The following ANKRD30A variants were observed in gnomAD, a reference collection of about 807,000 sequenced individuals.
ANKRD30A encodes ankyrin repeat domain 30A.
Under a neutral mutation model 166.3 loss-of-function variants are expected in ANKRD30A, and 170 were observed. The ratio of observed to expected loss-of-function variants is 1.02; its 90% confidence interval spans 0.90 to 1.16. ANKRD30A has a LOEUF of 1.16. Among genes scored for constraint, ANKRD30A ranks in the 50% most tolerant of loss-of-function variants. ANKRD30A has a pLI of 0.00. For missense variants in ANKRD30A, 1,630 were observed against 1,518.0 expected (o/e 1.07, Z -1.23); for synonymous variants, 564 against 508.9 (o/e 1.11, Z -1.46).
intron 5 of ANKRD30A, 95 bp downstream of exon 5, chr10:37,134,148 G>A: frequency 6.9e-7 from 1 of 1,438,914 alleles, no homozygotes; most frequent in South Asian, 1.3e-5. Flanking sequence ...CCAGAAACTA[G>A]GCAAAAAGCT....
intron 9 of ANKRD30A, among the ~76,000 whole-genome samples, chr10:37,147,800 T>A (rs1006837658): frequency 6.6e-6 from 1 of 152,044 alleles, no homozygotes; most frequent in African/African-American, 2.4e-5. Flanking sequence ...GTTTATATAA[T>A]GGAGGTGGCA....
At position 37,219,195 on chromosome 10, in the gene ANKRD30A, A is replaced by C; in HGVS notation, c.3483A>C (p.Ala1161=). The change falls in exon 34 of 36, where the codon GCA becomes GCC. Residue 1161 remains alanine (A), a synonymous_variant. Transcript: ENST00000361713. ...KLKEESLTKR[A]SQYSGQLKVL... ...AAGAGGAATCATTAACTAAAAGGGC[A>C]TCTCAATATAGTGGGCAGCTTAAAG... is the stretch of plus-strand genomic sequence containing the variant. 6.2e-7 allele frequency: 1 copy of C among 1,610,762 alleles called. No individual in the cohort carries two copies. Among genetic ancestry groups the C allele is most frequent in the Non-Finnish European group, 8.5e-7 (1 of 1,177,678 alleles).
the ANKRD30A span, among the ~76,000 whole-genome samples, chr10:37,255,046 G>A: frequency 6.6e-6 from 1 of 151,968 alleles, no homozygotes; most frequent in Non-Finnish European, 1.5e-5. Context: ...ATGAAGCCCG[G>A]TTCATTTTCT....
At chr10:37,239,031 T>G in the ANKRD30A span, among the ~76,000 whole-genome samples, 1 of 152,156 alleles carries the variant, frequency 6.6e-6, no homozygotes. Context: ...GTCCAGTATG[T>G]GCAGTACACA....
intron 6 of ANKRD30A, among the ~76,000 whole-genome samples, chr10:37,137,178 A>G (rs144940052): frequency 2.4e-4 from 36 of 152,316 alleles, no homozygotes; most frequent in African/African-American, 6.7e-4. Context: ...AGTAGCTTAC[A>G]TGCCCTGAAT....
At chr10:37,206,803 T>A (rs1842019311) in intron 31 of ANKRD30A, among the ~76,000 whole-genome samples, 1 of 151,148 alleles carries the variant, frequency 6.6e-6, no homozygotes, top group African/African-American at 2.4e-5. Context: ...TCAAAAAAAA[T>A]AAAAATGAAA....
At chr10:37,200,734 C>T (rs141608032) in intron 30 of ANKRD30A, among the ~76,000 whole-genome samples, 2,089 of 152,108 alleles carry the variant, frequency 0.014, 20 homozygotes, top group South Asian at 0.022. Context: ...AATAAAGCAG[C>T]TTTTTCAACA....
chr10:37,217,108 A>T (rs1375305262), intron 32 of ANKRD30A, among the ~76,000 whole-genome samples: 1 of 151,064 alleles, frequency 6.6e-6, no homozygotes, highest in Non-Finnish European at 1.5e-5. Flanking sequence ...ATTTGTTGAT[A>T]AAATATATAA....
chr10:37,141,711 T>C lies in ANKRD30A; in HGVS notation c.821-7T>C, dbSNP rs894746810. On this transcript the variant is annotated splice_region_variant and splice_polypyrimidine_tract_variant and intron_variant, in intron 6 of 35. Coordinates refer to ENST00000361713, the MANE Select transcript of ANKRD30A (RefSeq NM_052997.3). ...AGGAAAATTTAACCAGATTGTGTGT[T>C]TGGCAGAAGGAACATCTGCAGGAAC... is the stretch of plus-strand genomic sequence containing the variant. The C allele has an allele frequency of 1.2e-6, 2 of 1,611,680 alleles. No individual in the cohort carries two copies. Among genetic ancestry groups the C allele is most frequent in the East Asian group, 4.5e-5 (2 of 44,878 alleles).
At chr10:37,155,766 G>T (rs1234395334) in intron 13 of ANKRD30A, among the ~76,000 whole-genome samples, 1 of 152,016 alleles carries the variant, frequency 6.6e-6, no homozygotes, top group African/African-American at 2.4e-5. Flanking sequence ...TTTGTTCAGC[G>T]ATTAGCTTGT....
intron 27 of ANKRD30A, among the ~76,000 whole-genome samples, chr10:37,194,183 C>A (rs1470959785): frequency 6.6e-6 from 1 of 151,964 alleles, no homozygotes; most frequent in Non-Finnish European, 1.5e-5. Flanking sequence ...GAGTGAGACT[C>A]CATCTGAAAA....
intron 33 of ANKRD30A, among the ~76,000 whole-genome samples, chr10:37,218,133 A>G (rs1430906328): frequency 6.6e-6 from 1 of 150,948 alleles, no homozygotes; most frequent in African/African-American, 2.4e-5. Context: ...TTTATTGGTA[A>G]GTAGTTTGTT....
chr10:37,190,448 G>T (rs1206697449), intron 25 of ANKRD30A, among the ~76,000 whole-genome samples: 1 of 151,694 alleles, frequency 6.6e-6, no homozygotes, highest in Non-Finnish European at 1.5e-5. Flanking sequence ...GAAGAAGAAA[G>T]GAGCAATGCA....
chr10:37,138,325 C>T (rs992401104), intron 6 of ANKRD30A, among the ~76,000 whole-genome samples: 9 of 152,156 alleles, frequency 5.9e-5, no homozygotes, highest in Non-Finnish European at 4.4e-5. Context: ...GAGGGCCTCT[C>T]CTCCTCCAAA....
chr10:37,225,403 A>G (rs2132757020), intron 34 of ANKRD30A, among the ~76,000 whole-genome samples: 1 of 151,914 alleles, frequency 6.6e-6, no homozygotes, highest in African/African-American at 2.4e-5. Context: ...TGCAGATATA[A>G]GAAGCTTTTA....
At chr10:37,260,221 G>T in the ANKRD30A span, among the ~76,000 whole-genome samples, 1 of 152,028 alleles carries the variant, frequency 6.6e-6, no homozygotes, top group Non-Finnish European at 1.5e-5. Flanking sequence ...TTACTAAAAA[G>T]TAAACTCCTA....
intron 27 of ANKRD30A, among the ~76,000 whole-genome samples, chr10:37,193,957 G>A (rs1460199308): frequency 3.3e-5 from 5 of 152,172 alleles, no homozygotes; most frequent in African/African-American, 1.2e-4. Context: ...CAGTTTGGGA[G>A]AGAAAGGCAG....
At chr10:37,143,619 A>T (rs1296366789) in intron 7 of ANKRD30A, among the ~76,000 whole-genome samples, 1 of 151,892 alleles carries the variant, frequency 6.6e-6, no homozygotes. Context: ...GTACCACTAC[A>T]CTCTAGCCTG....
At chr10:37,258,340 T>A in the ANKRD30A span, among the ~76,000 whole-genome samples, 1 of 152,104 alleles carries the variant, frequency 6.6e-6, no homozygotes, top group African/African-American at 2.4e-5. Flanking sequence ...ACCAAGAAAG[T>A]TCTGAAGAAG....
Sources: allele counts gnomAD v4.1 joint callset (sites outside exome capture counted in the v4.1 genomes callset), GRCh38; gene constraint gnomAD v4.1.1; transcripts MANE v1.5; gene names NCBI Gene and HGNC (gene_info 2026-07-23, HGNC 2026-07-21).